Variants in PATJ observed in about 807,000 individuals in gnomAD.
The protein encoded by PATJ is PATJ crumbs cell polarity complex component, also known as inaD-like protein.
In PATJ, 190 loss-of-function variants were observed where a neutral mutation model predicts 224.9. That is an observed-to-expected ratio of 0.84 (90% CI 0.75 to 0.95). The LOEUF is 0.95. PATJ is among the 40% of genes least tolerant of loss of function. The probability of loss-of-function intolerance (pLI) is 0.00; values close to 1 mark genes in which losing one functional copy is unlikely to be tolerated. For synonymous variants in PATJ, 769 were observed against 820.3 expected (o/e 0.94, Z 1.07); for missense variants, 2,121 against 2,270.3 (o/e 0.93, Z 1.34).
intron 26 of PATJ, among the ~76,000 whole-genome samples, chr1:61,920,446 C>T (rs1376172805): frequency 6.6e-6 from 1 of 152,096 alleles, no homozygotes; most frequent in Admixed American, 6.6e-5. Context: ...GTGACTTGCT[C>T]CTCCTTGCTT....
At chr1:61,789,422 C>T (rs746863994) in intron 8 of PATJ, among the ~76,000 whole-genome samples, 3 of 152,078 alleles carry the variant, frequency 2.0e-5, no homozygotes, top group Non-Finnish European at 2.9e-5. Context: ...ATTATCATCA[C>T]CTGAGATGTC....
chr1:61,862,114 C>T (rs765248621), intron 19 of PATJ, among the ~76,000 whole-genome samples: 2 of 152,082 alleles, frequency 1.3e-5, no homozygotes, highest in Non-Finnish European at 2.9e-5. Context: ...CTACCTGCCC[C>T]AGCCTCCCAG....
At chr1:62,143,939 G>A (rs1667758550) in intron 41 of PATJ, among the ~76,000 whole-genome samples, 1 of 152,110 alleles carries the variant, frequency 6.6e-6, no homozygotes, top group African/African-American at 2.4e-5. Context: ...TGGAAGTTTG[G>A]GTGGGAGATG....
At chr1:61,920,441 T>C (rs1263094338) in intron 26 of PATJ, among the ~76,000 whole-genome samples, 1 of 152,122 alleles carries the variant, frequency 6.6e-6, no homozygotes, top group East Asian at 1.9e-4. Context: ...AAGAGGTGAC[T>C]TGCTCCTCCT....
At chr1:61,969,428 T>A (rs1404573351) in intron 27 of PATJ, among the ~76,000 whole-genome samples, 1 of 152,162 alleles carries the variant, frequency 6.6e-6, no homozygotes, top group Non-Finnish European at 1.5e-5. Context: ...CTAGTGGGAG[T>A]GAGGTGATAC....
rs570856589 is a variant in PATJ at position 62,107,932 on chromosome 1, T to G, written c.4378-505T>G. 2.6e-5 allele frequency among the ~76,000 whole-genome samples: 4 copies of G among 152,272 alleles called. No homozygotes were observed. The South Asian group carries it at 8.3e-4, about 32-fold the overall frequency. The stretch of plus-strand genomic sequence containing the variant: ...TTTGAACCCATGGCTGTTTCACACT[T>G]AAGTCCATGAATGCTGTTTCCCCTG... On this transcript the variant is annotated intron_variant, in intron 33 of 43. Coordinates refer to ENST00000642238, the MANE Select transcript of PATJ (RefSeq NM_001350145.3).
At position 61,798,573 on chromosome 1, in the gene PATJ, A is replaced by C. The variant is rs373727383; in HGVS notation, c.1402+1145A>C. 1.8e-4 allele frequency among the ~76,000 whole-genome samples: 28 copies of C among 152,284 alleles called. No individual in the cohort carries two copies. The South Asian group carries it at 5.6e-3, about 30-fold the overall frequency. The stretch of plus-strand genomic sequence containing the variant: ...TTGATAATCATGGAAACACATATTC[A>C]ATTTAGAATGAGTGAATTACTGGGT... On this transcript the variant is annotated intron_variant, in intron 11 of 43. Coordinates refer to ENST00000642238, the MANE Select transcript of PATJ (RefSeq NM_001350145.3).
intron 31 of PATJ, among the ~76,000 whole-genome samples, chr1:62,051,724 A>T (rs1653664346): frequency 6.6e-6 from 1 of 152,222 alleles, no homozygotes; most frequent in Non-Finnish European, 1.5e-5. Flanking sequence ...TGTTAAATTT[A>T]TTCCATTGAT....
At chr1:61,883,840 G>A (rs563843467) in intron 21 of PATJ, among the ~76,000 whole-genome samples, 2 of 128,040 alleles carry the variant, frequency 1.6e-5, no homozygotes, top group Admixed American at 1.8e-4. Flanking sequence ...GATTTAATAT[G>A]GTTTATTTGT....
chr1:61,970,155 C>T (rs961132301), intron 27 of PATJ, among the ~76,000 whole-genome samples: 3 of 151,190 alleles, frequency 2.0e-5, no homozygotes, highest in African/African-American at 7.3e-5. Context: ...AGTTATGAAG[C>T]TTGTCATCTA....
chr1:61,990,453 T>G, intron 28 of PATJ, 89 bp downstream of exon 28: 1 of 769,760 alleles, frequency 1.3e-6, no homozygotes, highest in Non-Finnish European at 1.9e-6. Context: ...AAGGGAAGAA[T>G]GATGTCAAAT....
chr1:61,760,824 G>T (rs1645928120), intron 1 of PATJ, among the ~76,000 whole-genome samples: 2 of 152,044 alleles, frequency 1.3e-5, no homozygotes, highest in South Asian at 2.1e-4. Context: ...TGTTGGCCAG[G>T]CTGGTCTCGA....
At chr1:61,756,098 G>C (rs12404664) in intron 1 of PATJ, among the ~76,000 whole-genome samples, 2 of 152,124 alleles carry the variant, frequency 1.3e-5, no homozygotes, top group Non-Finnish European at 2.9e-5. Context: ...TGGCCACCAA[G>C]TTTTTTATTA....
intron 14 of PATJ, among the ~76,000 whole-genome samples, chr1:61,814,659 TA>T (rs1557694042): frequency 1.3e-5 from 2 of 152,196 alleles, no homozygotes; most frequent in Admixed American, 6.5e-5. Flanking sequence ...TAAATGTCCA[TA>T]GAATTTTTCT....
chr1:61,880,708 T>C (rs1240314370), intron 21 of PATJ, among the ~76,000 whole-genome samples: 1 of 152,242 alleles, frequency 6.6e-6, no homozygotes, highest in Non-Finnish European at 1.5e-5. Flanking sequence ...TTACACGTGT[T>C]TGAGCTTTCA....
At chr1:62,114,387 G>T (rs748829077) in intron 35 of PATJ, 141 bp downstream of exon 35, 163 of 788,324 alleles carry the variant, frequency 2.1e-4, no homozygotes, top group African/African-American at 4.0e-4. Flanking sequence ...GACAACATGG[G>T]TCATATTTCT....
chr1:62,084,729 C>T lies in PATJ; in HGVS notation c.4377+81C>T. 4 of 1,350,138 alleles carry T rather than the reference C, an allele frequency of 3.0e-6. No homozygotes were observed. The South Asian group carries it at 5.1e-5, about 17-fold the overall frequency. The allele number at this position is 1,350,138 out of a possible 1,614,324, so 83.6% of individuals were successfully genotyped here. A position where few individuals can be genotyped will look rare whatever the true frequency, so the allele number is the denominator to read the frequency against. On this transcript the variant is annotated intron_variant, in intron 33 of 43. Transcript: ENST00000642238. ...ATTTTGGCCCTGCGCCACAACTCTGCAAGACTTGCCTTTTTCATAGTATGA... is the reference window on the plus strand; with the variant it reads ...ATTTTGGCCCTGCGCCACAACTCTGTAAGACTTGCCTTTTTCATAGTATGA...
Position 61,872,475 on chromosome 1 carries a change from T to C in PATJ, c.2836-2768T>C, listed in dbSNP as rs140762174. 2.4e-3 allele frequency among the ~76,000 whole-genome samples: 361 copies of C among 152,308 alleles called. 1 individual carries two copies. The highest frequency in any genetic ancestry group is 8.3e-3 in the African/African-American group (347 of 41,566). On this transcript the variant is annotated intron_variant, in intron 20 of 43. Coordinates refer to ENST00000642238, the MANE Select transcript of PATJ (RefSeq NM_001350145.3). ...CTATGCCATCCAGAGGCAAAACTCC[T>C]TATCTGAGGAATTTAGAAGCAATTA...
chr1:61,813,363 A>T (rs1421667305), intron 14 of PATJ, among the ~76,000 whole-genome samples: 2 of 48,990 alleles, frequency 4.1e-5, no homozygotes, highest in Admixed American at 2.8e-4. Context: ...ATATATATAT[A>T]TATATATATA....
Sources: allele counts gnomAD v4.1 joint callset (sites outside exome capture counted in the v4.1 genomes callset), GRCh38; gene constraint gnomAD v4.1.1; transcripts MANE v1.5; gene names NCBI Gene and HGNC (gene_info 2026-07-23, HGNC 2026-07-21).